DPYD: variants seen among roughly 807,000 people sequenced by gnomAD.
The protein encoded by DPYD is dihydropyrimidine dehydrogenase [NADP(+)].
A neutral mutation model predicts 116.2 loss-of-function variants in DPYD; 109 were observed. The ratio of observed to expected loss-of-function variants is 0.94; its 90% CI spans 0.80 to 1.10. The LOEUF is 1.10. Ranked by LOEUF, DPYD falls within the 50% of genes least tolerant of loss-of-function variation. The pLI is 0.00. For synonymous variants in DPYD, 440 were observed against 432.0 expected (o/e 1.02, Z -0.23); for missense variants, 1,302 against 1,254.5 (o/e 1.04, Z -0.57).
At chr1:97,223,148 T>C (rs1660887130) in intron 19 of DPYD, among the ~76,000 whole-genome samples, 1 of 152,116 alleles carries the variant, frequency 6.6e-6, no homozygotes. Context: ...TCTTTTTCTC[T>C]AATTTTAATA....
chr1:97,501,105 TA>T (rs1679548085), intron 13 of DPYD, among the ~76,000 whole-genome samples: 1 of 152,008 alleles, frequency 6.6e-6, no homozygotes, highest in East Asian at 1.9e-4. Flanking sequence ...TGAAACCCTG[TA>T]CGACATAGTT....
intron 16 of DPYD, among the ~76,000 whole-genome samples, chr1:97,367,302 T>C (rs1671090184): frequency 6.6e-6 from 1 of 151,774 alleles, no homozygotes; most frequent in Non-Finnish European, 1.5e-5. Context: ...AAACATACAG[T>C]TTTATGCAAA....
At chr1:97,550,664 A>G (rs916753468) in intron 11 of DPYD, among the ~76,000 whole-genome samples, 3 of 152,146 alleles carry the variant, frequency 2.0e-5, no homozygotes, top group African/African-American at 7.2e-5. Flanking sequence ...ATAATTTTTA[A>G]GCACAGCATC....
chr1:97,379,058 C>G (rs1671791506), intron 15 of DPYD, among the ~76,000 whole-genome samples: 1 of 152,222 alleles, frequency 6.6e-6, no homozygotes, highest in South Asian at 2.1e-4. Context: ...CATTAACTAT[C>G]TGGTCAACTG....
chr1:97,731,404 A>G (rs954927259), intron 4 of DPYD, among the ~76,000 whole-genome samples: 2 of 152,116 alleles, frequency 1.3e-5, no homozygotes, highest in African/African-American at 4.8e-5. Context: ...TTAATTTTTC[A>G]AAGTAGTTTT....
At chr1:97,644,852 C>A (rs561493882) in intron 8 of DPYD, among the ~76,000 whole-genome samples, 2 of 151,944 alleles carry the variant, frequency 1.3e-5, no homozygotes, top group Non-Finnish European at 2.9e-5. Context: ...AAAATATACA[C>A]CATGAAAAGT....
intron 14 of DPYD, among the ~76,000 whole-genome samples, chr1:97,438,919 G>A (rs1055211455): frequency 3.9e-5 from 6 of 151,918 alleles, no homozygotes; most frequent in African/African-American, 1.4e-4. Context: ...AGCATAATGT[G>A]GAATGGAAGT....
intron 20 of DPYD, among the ~76,000 whole-genome samples, chr1:97,181,991 T>C (rs964993318): frequency 1.3e-5 from 2 of 152,072 alleles, no homozygotes; most frequent in African/African-American, 2.4e-5. Flanking sequence ...AAATGGAGGA[T>C]TGTGGGATCC....
At chr1:97,177,698 G>T (rs1485228218) in intron 20 of DPYD, among the ~76,000 whole-genome samples, 1 of 151,866 alleles carries the variant, frequency 6.6e-6, no homozygotes, top group African/African-American at 2.4e-5. Context: ...TGAGTAAGGT[G>T]CACACTCTTC....
At chr1:97,758,289 CT>C (rs199949086) in intron 3 of DPYD, among the ~76,000 whole-genome samples, 2,396 of 151,704 alleles carry the variant, frequency 0.016, 25 homozygotes, top group South Asian at 0.027. Flanking sequence ...TTTAAAGTGC[CT>C]TCCAACACAC....
chr1:97,830,409 T>C (rs1471510104), intron 2 of DPYD, among the ~76,000 whole-genome samples: 1 of 152,084 alleles, frequency 6.6e-6, no homozygotes, highest in Non-Finnish European at 1.5e-5. Flanking sequence ...AAACACATTC[T>C]TGGATTAAAA....
intron 15 of DPYD, among the ~76,000 whole-genome samples, chr1:97,379,423 C>A (rs34085458): frequency 4.6e-5 from 7 of 152,098 alleles, no homozygotes; most frequent in Non-Finnish European, 8.8e-5. Context: ...GCCAATTATA[C>A]GCTTCCTCAA....
intron 2 of DPYD, among the ~76,000 whole-genome samples, chr1:97,881,652 A>G (rs189458779): frequency 1.3e-5 from 2 of 152,192 alleles, no homozygotes; most frequent in African/African-American, 4.8e-5. Flanking sequence ...TAAAATAACA[A>G]CAACAGCAAT....
chr1:97,772,413 C>G (rs1666191753), intron 3 of DPYD, among the ~76,000 whole-genome samples: 3 of 152,194 alleles, frequency 2.0e-5, no homozygotes, highest in Admixed American at 1.3e-4. Context: ...CACCTCTCAT[C>G]CTATCTTCTC....
At chr1:97,339,649 A>C (rs1570555743) in intron 16 of DPYD, among the ~76,000 whole-genome samples, 1 of 152,232 alleles carries the variant, frequency 6.6e-6, no homozygotes, top group African/African-American at 2.4e-5. Context: ...CCAATCTCAT[A>C]AAATTTCTAC....
intron 3 of DPYD, among the ~76,000 whole-genome samples, chr1:97,805,113 C>G (rs778868360): frequency 3.3e-5 from 5 of 151,736 alleles, no homozygotes; most frequent in Non-Finnish European, 5.9e-5. Flanking sequence ...GATGCAGAAC[C>G]CTGGGAATGT....
chr1:97,193,348 A>T (rs1397812182), intron 19 of DPYD, 100 bp from the exon 20 acceptor site: 1 of 1,285,282 alleles, frequency 7.8e-7, no homozygotes, highest in African/African-American at 1.5e-5. Flanking sequence ...TTTATGTGCC[A>T]GGCACTGTTT....
At position 97,607,532 on chromosome 1, in the gene DPYD, G is replaced by A. The variant is rs143319418; in HGVS notation, c.851-12366C>T. Among the ~76,000 whole-genome samples, 518 of 152,002 alleles carry A rather than the reference G, an allele frequency of 3.4e-3. 4 individuals carry two copies. The highest frequency in any genetic ancestry group is 0.012 in the African/African-American group (502 of 41,504). On this transcript the variant is annotated intron_variant, in intron 8 of 22. Transcript: ENST00000370192. ...TTGTTAGCAAAAAAAATGGTGCTGGGAGTCAGAGATGCTAATGAGCATTAA... is the reference window on the plus strand; with the variant it reads ...TTGTTAGCAAAAAAAATGGTGCTGGAAGTCAGAGATGCTAATGAGCATTAA...
At position 97,394,011 on chromosome 1, in the gene DPYD, GTGGTTT is replaced by G. The variant is rs1339149157; in HGVS notation, c.1906-11556_1906-11551del. ...AACTGGTGTGAGATGGTATCTCATT[GTGGTTT>G]TGATTTGCATTTCTCTGATGGCTGG... is the stretch of plus-strand genomic sequence containing the variant. On this transcript the variant is annotated intron_variant, in intron 14 of 22. Coordinates refer to ENST00000370192, the MANE Select transcript of DPYD (RefSeq NM_000110.4). The G allele has an allele frequency of 1.4e-4, 22 of 152,240 alleles. No individual in the cohort carries two copies. In the East Asian group the frequency reaches 4.3e-3, roughly 29 times the overall value. 9.4% of individuals were successfully genotyped at this position (152,240 alleles called of 1,614,324 possible).
Sources: allele counts gnomAD v4.1 joint callset (sites outside exome capture counted in the v4.1 genomes callset), GRCh38; gene constraint gnomAD v4.1.1; transcripts MANE v1.5; gene names NCBI Gene and HGNC (gene_info 2026-07-23, HGNC 2026-07-21).